The following ZBTB44 variants were observed in gnomAD, a reference collection of about 807,000 sequenced individuals.
ZBTB44 encodes the protein zinc finger and BTB domain containing 44.
ZBTB44 carries 15 observed loss-of-function variants against 54.0 expected under a neutral mutation model. The observed-to-expected ratio is 0.28, with a 90% CI of 0.19 to 0.43. The LOEUF is 0.43. Ranked by LOEUF, ZBTB44 falls within the 20% of genes least tolerant of loss-of-function variation. The probability of loss-of-function intolerance (pLI) is 1.00; values close to 1 mark genes in which losing one functional copy is unlikely to be tolerated. For missense variants in ZBTB44, 487 were observed against 707.1 expected (o/e 0.69, Z 3.53); for synonymous variants, 230 against 250.1 (o/e 0.92, Z 0.76).
At chr11:130,234,112 G>A (rs1327508934) in intron 6 of ZBTB44, 44 bp downstream of exon 6, 1 of 1,542,326 alleles carries the variant, frequency 6.5e-7, no homozygotes, top group South Asian at 1.2e-5. Flanking sequence ...CCCACCAAGA[G>A]ACCCCAAGGG....
chr11:130,269,023 G>T (rs1939479042), intron 1 of ZBTB44, among the ~76,000 whole-genome samples: 1 of 151,610 alleles, frequency 6.6e-6, no homozygotes, highest in Admixed American at 6.6e-5. Flanking sequence ...AGGCACGGTG[G>T]CTCATGCCTG....
At chr11:130,303,320 G>T (rs1337826652) in intron 1 of ZBTB44, among the ~76,000 whole-genome samples, 1 of 152,108 alleles carries the variant, frequency 6.6e-6, no homozygotes, top group African/African-American at 2.4e-5. Context: ...CAAATCAATA[G>T]CAAATCACTT....
chr11:130,239,154 GA>G lies in ZBTB44; in HGVS notation c.1104-548del, dbSNP rs150301961. 951 of 152,750 alleles carry G rather than the reference GA, an allele frequency of 6.2e-3. 14 individuals are homozygous for G. Among genetic ancestry groups the G allele is most frequent in the African/African-American group, 0.022 (917 of 41,508 alleles). The allele number at this position is 152,750 out of a possible 1,614,324, so 9.5% of individuals were successfully genotyped here. On this transcript the variant is annotated intron_variant, in intron 3 of 7. Transcript: ENST00000357899. ...AAGGATTAACTACGAGGGAGATGAA[GA>G]GTGGTAAGGAAAAAAGATTAAGAAC... is the stretch of plus-strand genomic sequence containing the variant.
chr11:130,242,486 A>C (rs897369076), intron 2 of ZBTB44, among the ~76,000 whole-genome samples: 1 of 152,206 alleles, frequency 6.6e-6, no homozygotes, highest in South Asian at 2.1e-4. Context: ...TCCATTCTTT[A>C]TAACTTTTTT....
At chr11:130,275,502 C>A (rs1939990917) in intron 1 of ZBTB44, among the ~76,000 whole-genome samples, 1 of 152,060 alleles carries the variant, frequency 6.6e-6, no homozygotes, top group Non-Finnish European at 1.5e-5. Context: ...TTTCTGATTT[C>A]ATTTGGATTT....
intron 2 of ZBTB44, among the ~76,000 whole-genome samples, chr11:130,249,246 T>C (rs1401052635): frequency 3.3e-5 from 5 of 152,192 alleles, no homozygotes; most frequent in Non-Finnish European, 5.9e-5. Context: ...CTTTCTTAAA[T>C]GATTAAAATT....
At chr11:130,290,397 ATAAT>A (rs910802002) in intron 1 of ZBTB44, among the ~76,000 whole-genome samples, 4 of 152,192 alleles carry the variant, frequency 2.6e-5, no homozygotes, top group South Asian at 2.1e-4. Context: ...CTAATTTGTG[ATAAT>A]TAATTACAAC....
chr11:130,278,517 T>C (rs1940270479), intron 1 of ZBTB44, among the ~76,000 whole-genome samples: 1 of 152,206 alleles, frequency 6.6e-6, no homozygotes, highest in Non-Finnish European at 1.5e-5. Context: ...TCATTTTCTA[T>C]TGTTATCTTC....
intron 2 of ZBTB44, among the ~76,000 whole-genome samples, chr11:130,252,093 T>C (rs1321907440): frequency 1.3e-5 from 2 of 150,828 alleles, no homozygotes; most frequent in Non-Finnish European, 1.5e-5. Context: ...ACCAAGCAAA[T>C]GGAAAGAAAA....
At position 130,283,035 on chromosome 11, in the gene ZBTB44, CTT is replaced by C. The variant is rs531030883; in HGVS notation, c.-56-21108_-56-21107del. Among the ~76,000 whole-genome samples the C allele has an allele frequency of 8.7e-3, 884 of 102,188 alleles. 3 individuals carry two copies. The highest frequency in any genetic ancestry group is 0.033 in the African/African-American group (837 of 25,450). 67.0% of individuals were successfully genotyped at this position (102,188 alleles called of 152,430 possible). A position where few individuals can be genotyped will look rare whatever the true frequency, so the allele number is the denominator to read the frequency against. On this transcript the variant is annotated intron_variant, in intron 1 of 7. Transcript: ENST00000357899. ...ATAAAATAAAATTTGCCATTCTAACCTTTTTTTTTTTTTTTTTTTTTTTTGAG... is the reference window on the plus strand; with the variant it reads ...ATAAAATAAAATTTGCCATTCTAACCTTTTTTTTTTTTTTTTTTTTTTGAG...
intron 1 of ZBTB44, among the ~76,000 whole-genome samples, chr11:130,264,466 A>G (rs1939106948): frequency 6.6e-6 from 1 of 152,178 alleles, no homozygotes; most frequent in Non-Finnish European, 1.5e-5. Context: ...TCTTGAAAAG[A>G]TTGCTGGTAT....
At chr11:130,233,664 C>G in intron 6 of ZBTB44, 7 of 1,257,282 alleles carry the variant, frequency 5.6e-6, no homozygotes, top group Non-Finnish European at 7.0e-6. Context: ...CAATAATCAT[C>G]TGATTTCCTC....
intron 1 of ZBTB44, among the ~76,000 whole-genome samples, chr11:130,301,577 T>C (rs1420763333): frequency 2.6e-5 from 4 of 152,062 alleles, no homozygotes; most frequent in East Asian, 1.9e-4. Context: ...GTTGGGAAGA[T>C]GGCTTGAGCC....
chr11:130,275,571 C>T lies in ZBTB44; in HGVS notation c.-56-13642G>A, dbSNP rs1165176432. Among the ~76,000 whole-genome samples the T allele has an allele frequency of 8.7e-4, 132 of 152,240 alleles. 3 individuals carry two copies. Among genetic ancestry groups the T allele is most frequent in the Admixed American group, 8.6e-3 (132 of 15,292 alleles). On this transcript the variant is annotated intron_variant, in intron 1 of 7. Transcript: ENST00000357899. ...TGTTTAATTACCACATATTTGTGAGCTTCTCAAATTTTTTCCTGCTTTTGA... is the reference window on the plus strand; with the variant it reads ...TGTTTAATTACCACATATTTGTGAGTTTCTCAAATTTTTTCCTGCTTTTGA...
At chr11:130,269,542 T>C (rs1040807680) in intron 1 of ZBTB44, among the ~76,000 whole-genome samples, 7 of 152,226 alleles carry the variant, frequency 4.6e-5, no homozygotes, top group Admixed American at 1.3e-4. Flanking sequence ...GAAATACTGC[T>C]ATCACACATT....
intron 2 of ZBTB44, among the ~76,000 whole-genome samples, chr11:130,254,762 A>C (rs1428753317): frequency 6.6e-6 from 1 of 152,210 alleles, no homozygotes; most frequent in Non-Finnish European, 1.5e-5. Flanking sequence ...GCTGCTATAA[A>C]GACACGTGCA....
At chr11:130,265,233 A>C (rs1939165484) in intron 1 of ZBTB44, among the ~76,000 whole-genome samples, 1 of 151,068 alleles carries the variant, frequency 6.6e-6, no homozygotes, top group Admixed American at 6.6e-5. Context: ...TTCTCACTTT[A>C]TTTTTTTTTA....
At chr11:130,297,620 G>C (rs1565333309) in intron 1 of ZBTB44, among the ~76,000 whole-genome samples, 1 of 152,202 alleles carries the variant, frequency 6.6e-6, no homozygotes, top group Non-Finnish European at 1.5e-5. Flanking sequence ...TTTGTAGACA[G>C]ACATGCACAT....
At chr11:130,269,447 A>G (rs1209929144) in intron 1 of ZBTB44, among the ~76,000 whole-genome samples, 2 of 152,236 alleles carry the variant, frequency 1.3e-5, no homozygotes, top group Admixed American at 6.5e-5. Context: ...CAAGTAATAA[A>G]AATGTACTTG....
Sources: gnomAD v4.1 joint callset for allele counts (sites outside exome capture counted in the v4.1 genomes callset) on GRCh38, gnomAD v4.1.1 for gene constraint, MANE v1.5 for transcripts, NCBI Gene and HGNC (gene_info 2026-07-23, HGNC 2026-07-21) for gene names.